C8A: variants seen among roughly 807,000 people sequenced by gnomAD.
C8A encodes the protein complement C8 alpha chain, also known as complement component C8 alpha chain.
C8A carries 67 observed loss-of-function variants against 65.3 expected under a neutral mutation model. That is an observed-to-expected ratio of 1.03 (90% CI 0.84 to 1.26). C8A has a LOEUF of 1.26. C8A is among the 50% of genes most tolerant of loss of function. The pLI, the probability that C8A is intolerant of heterozygous loss-of-function variation, is 0.00. For missense variants in C8A, 781 were observed against 723.9 expected (o/e 1.08, Z -0.90); for synonymous variants, 290 against 259.4 (o/e 1.12, Z -1.13).
At chr1:56,880,804 T>C (rs574243653) in intron 4 of C8A, among the ~76,000 whole-genome samples, 14 of 152,324 alleles carry the variant, frequency 9.2e-5, no homozygotes, top group Admixed American at 7.9e-4. Context: ...TTCAACTCAT[T>C]TAACTCTATG....
At chr1:56,855,172 A>G (rs1030913604) in intron 1 of C8A, among the ~76,000 whole-genome samples, 194 bp downstream of exon 1, 12 of 152,230 alleles carry the variant, frequency 7.9e-5, no homozygotes, top group Admixed American at 7.9e-4. Flanking sequence ...CTATGTGTAA[A>G]TCACAGCTCT....
chr1:56,876,025 G>A (rs1446146824), intron 3 of C8A, 37 bp from the exon 4 acceptor site: 4 of 1,607,560 alleles, frequency 2.5e-6, no homozygotes, highest in Admixed American at 3.4e-5. Flanking sequence ...GGAGGGAGAG[G>A]GGAACCCGAG....
At position 56,870,887 on chromosome 1, in the gene C8A, G is replaced by T. The variant is rs139124525; in HGVS notation, c.171+3185G>T. On this transcript the variant is annotated intron_variant, in intron 2 of 10. Transcript: ENST00000361249. ...TTCTTCTCAAAATCATCCAAACAAAGATGTACATTTATGGAAGGAAACATT... is the reference window on the plus strand; with the variant it reads ...TTCTTCTCAAAATCATCCAAACAAATATGTACATTTATGGAAGGAAACATT... Among the ~76,000 whole-genome samples, 1,143 of 152,142 alleles carry T rather than the reference G, an allele frequency of 7.5e-3. 12 individuals carry two copies. Among genetic ancestry groups the T allele is most frequent in the South Asian group, 0.035 (169 of 4,820 alleles).
At chr1:56,917,468 C>A in intron 10 of C8A, 97 bp from the exon 11 acceptor site, 1 of 1,310,668 alleles carries the variant, frequency 7.6e-7, no homozygotes, top group Non-Finnish European at 1.1e-6. Context: ...GTTCCTCTCC[C>A]AAGGGTGCCA....
chr1:56,870,934 AT>A (rs1238787900), intron 2 of C8A, among the ~76,000 whole-genome samples: 3 of 152,186 alleles, frequency 2.0e-5, no homozygotes, highest in Non-Finnish European at 2.9e-5. Context: ...AGAAAAGAAA[AT>A]TATGTCTTAA....
At chr1:56,902,378 C>CT (rs35197491) in intron 7 of C8A, among the ~76,000 whole-genome samples, 37,441 of 152,020 alleles carry the variant, frequency 0.25, 4,987 homozygotes, top group South Asian at 0.49. Flanking sequence ...AAAGATAAAT[C>CT]TTTTTTCCTT....
At chr1:56,891,988 C>A (rs960574562) in intron 7 of C8A, among the ~76,000 whole-genome samples, 4 of 152,232 alleles carry the variant, frequency 2.6e-5, no homozygotes, top group African/African-American at 7.2e-5. Flanking sequence ...TAGCACAAGG[C>A]TGGGCCCACA....
chr1:56,916,076 C>T (rs977599918), intron 10 of C8A, among the ~76,000 whole-genome samples: 19 of 152,336 alleles, frequency 1.2e-4, no homozygotes, highest in Admixed American at 4.6e-4. Context: ...GCTACCCAGA[C>T]GTGCCTCTCC....
chr1:56,889,243 T>A (rs990360194), intron 7 of C8A, among the ~76,000 whole-genome samples: 2 of 152,210 alleles, frequency 1.3e-5, no homozygotes, highest in South Asian at 2.1e-4. Flanking sequence ...AATATGGAAA[T>A]GTGCTAATCA....
At chr1:56,898,143 C>G (rs771185042) in intron 7 of C8A, among the ~76,000 whole-genome samples, 3 of 152,016 alleles carry the variant, frequency 2.0e-5, no homozygotes, top group Non-Finnish European at 4.4e-5. Context: ...AGATGAATGT[C>G]CAGATTCACT....
At chr1:56,912,365 G>A in intron 9 of C8A, 38 bp from the exon 10 acceptor site, 8 of 1,593,940 alleles carry the variant, frequency 5.0e-6, no homozygotes, top group Non-Finnish European at 6.9e-6. Flanking sequence ...GGTAGATAGA[G>A]CCCAGGGAGG....
intron 7 of C8A, among the ~76,000 whole-genome samples, chr1:56,903,834 G>A (rs192238265): frequency 3.9e-5 from 6 of 152,314 alleles, no homozygotes; most frequent in African/African-American, 4.8e-5. Flanking sequence ...ATTGATAGAG[G>A]TTGGGCCTAG....
chr1:56,868,972 C>G (rs1644117558), intron 2 of C8A, among the ~76,000 whole-genome samples: 1 of 152,180 alleles, frequency 6.6e-6, no homozygotes, highest in Admixed American at 6.5e-5. Flanking sequence ...TCTCATGCAT[C>G]TGGCTCAGAA....
In C8A at chr1:56,879,505, C is replaced by T. The variant is rs549084210; in HGVS notation, c.465-1940C>T. On this transcript the variant is annotated intron_variant, in intron 4 of 10. Transcript: ENST00000361249. ...GAGTTTTGTTCAGTCTATTAAGAGG[C>T]TGTATTTATAAGCTACAGGCAGAAA... Among the ~76,000 whole-genome samples the T allele has an allele frequency of 1.1e-4, 16 of 152,230 alleles. No individual in the cohort carries two copies. The South Asian group carries it at 1.7e-3, about 16-fold the overall frequency.
chr1:56,876,036 G>C lies in C8A; in HGVS notation c.317-26G>C, dbSNP rs183104233. The stretch of plus-strand genomic sequence containing the variant: ...GTCTGGAGGGAGAGGGGAACCCGAG[G>C]AGCAGCCACAGTCTCTTCTCTCCAG... On this transcript the variant is annotated intron_variant, in intron 3 of 10. Transcript: ENST00000361249. 4.4e-4 allele frequency: 705 copies of C among 1,611,298 alleles called. 2 individuals are homozygous for C. The African/African-American group carries it at 8.2e-3, about 19-fold the overall frequency.
intron 4 of C8A, among the ~76,000 whole-genome samples, chr1:56,878,308 G>A (rs1170366166): frequency 6.6e-6 from 1 of 152,076 alleles, no homozygotes; most frequent in African/African-American, 2.4e-5. Flanking sequence ...CATGAATGTT[G>A]GGGACATGTA....
intron 7 of C8A, among the ~76,000 whole-genome samples, chr1:56,900,379 T>C (rs1219443045): frequency 2.0e-5 from 3 of 152,134 alleles, no homozygotes; most frequent in Admixed American, 2.0e-4. Flanking sequence ...GCCAGACACG[T>C]TTTAGGAATT....
intron 10 of C8A, among the ~76,000 whole-genome samples, chr1:56,916,872 T>A (rs1644556941): frequency 1.3e-5 from 2 of 152,222 alleles, no homozygotes; most frequent in African/African-American, 4.8e-5. Flanking sequence ...TCAGATGCTC[T>A]GTGCAGACAG....
At chr1:56,860,429 A>G (rs1644022067) in intron 1 of C8A, among the ~76,000 whole-genome samples, 1 of 152,216 alleles carries the variant, frequency 6.6e-6, no homozygotes, top group South Asian at 2.1e-4. Context: ...GTGTATGGGT[A>G]GTAAAACACA....
Sources: gnomAD v4.1 joint callset for allele counts (sites outside exome capture counted in the v4.1 genomes callset) on GRCh38, gnomAD v4.1.1 for gene constraint, MANE v1.5 for transcripts, NCBI Gene and HGNC (gene_info 2026-07-23, HGNC 2026-07-21) for gene names.